Variants in SH2D4A observed in about 807,000 individuals in gnomAD.
SH2D4A encodes SH2 domain containing 4A.
SH2D4A carries 70 observed loss-of-function variants against 64.7 expected under a neutral mutation model. The ratio of observed to expected loss-of-function variants is 1.08; its 90% CI spans 0.89 to 1.32. The LOEUF is 1.32. Among genes scored for constraint, SH2D4A ranks in the 40% most tolerant of loss-of-function variants. SH2D4A has a pLI of 0.00. For synonymous variants in SH2D4A, 268 were observed against 200.7 expected, an observed-to-expected ratio of 1.34 and a Z score of -2.83; for missense variants, 706 against 540.1, an observed-to-expected ratio of 1.31 and a Z score of -3.04.
intron 1 of SH2D4A, chr8:19,314,136 G>T: frequency 9.0e-7 from 1 of 1,107,380 alleles, no homozygotes; most frequent in South Asian, 4.4e-5. Context: ...GGAACTTCGA[G>T]GGAGAGGGTC....
intron 4 of SH2D4A, among the ~76,000 whole-genome samples, chr8:19,351,618 AAAAAACAAAAAC>A (rs1007625241): frequency 6.6e-6 from 1 of 152,122 alleles, no homozygotes; most frequent in African/African-American, 2.4e-5. Context: ...ACAAAACAAA[AAAAAACAAAAAC>A]AAAAACAAAA....
At chr8:19,385,068 GGCTGTCTTTT>G (rs2053361544) in intron 8 of SH2D4A, among the ~76,000 whole-genome samples, 1 of 152,062 alleles carries the variant, frequency 6.6e-6, no homozygotes, top group Admixed American at 6.6e-5. Context: ...TGTTTCTTGT[GGCTGTCTTTT>G]GCTGTCATGG....
At chr8:19,373,681 A>G in intron 8 of SH2D4A, 21 bp downstream of exon 8, 1 of 1,611,406 alleles carries the variant, frequency 6.2e-7, no homozygotes, top group Non-Finnish European at 8.5e-7. Context: ...AGATTTCCTC[A>G]ATGGTGTTTC....
chr8:19,374,846 C>T (rs530310936), intron 8 of SH2D4A, among the ~76,000 whole-genome samples: 4 of 152,202 alleles, frequency 2.6e-5, no homozygotes, highest in South Asian at 4.1e-4. Flanking sequence ...GCATTAGCCG[C>T]GGCTGTCTCA....
At chr8:19,372,774 A>C (rs1031368654) in intron 7 of SH2D4A, among the ~76,000 whole-genome samples, 1 of 151,846 alleles carries the variant, frequency 6.6e-6, no homozygotes, top group Non-Finnish European at 1.5e-5. Flanking sequence ...TTTCAAAATG[A>C]TTCTGCTGCC....
intron 5 of SH2D4A, among the ~76,000 whole-genome samples, chr8:19,357,878 C>A (rs143012584): frequency 6.6e-6 from 1 of 152,174 alleles, no homozygotes; most frequent in African/African-American, 2.4e-5. Context: ...ATTTGACCTA[C>A]CGAGAGTCTG....
At chr8:19,374,278 C>G (rs1027452352) in intron 8 of SH2D4A, among the ~76,000 whole-genome samples, 7 of 152,276 alleles carry the variant, frequency 4.6e-5, no homozygotes, top group African/African-American at 1.7e-4. Context: ...AAACTTGATT[C>G]AAGCCCCTCT....
chr8:19,386,377 TAAA>T (rs1171806042), intron 8 of SH2D4A, among the ~76,000 whole-genome samples: 26 of 152,330 alleles, frequency 1.7e-4, no homozygotes, highest in African/African-American at 5.5e-4. Flanking sequence ...ACTTTTCTCA[TAAA>T]TTAGTGCAGC....
intron 2 of SH2D4A, among the ~76,000 whole-genome samples, chr8:19,323,930 AACAGTAAGTGAC>A (rs993636913): frequency 6.6e-6 from 1 of 152,216 alleles, no homozygotes; most frequent in African/African-American, 2.4e-5. Flanking sequence ...GGCCAGGGCA[AACAGTAAGTGAC>A]ACAGCTGGAA....
chr8:19,357,706 C>T (rs2052815156), intron 5 of SH2D4A, among the ~76,000 whole-genome samples: 1 of 152,174 alleles, frequency 6.6e-6, no homozygotes, highest in South Asian at 2.1e-4. Flanking sequence ...ATCCACCATG[C>T]CTGGAACCCC....
chr8:19,344,423 G>A (rs944655593), intron 4 of SH2D4A, among the ~76,000 whole-genome samples: 24 of 152,162 alleles, frequency 1.6e-4, no homozygotes, highest in Non-Finnish European at 3.4e-4. Context: ...GGCCCCTCAA[G>A]CAATGGCAGA....
Position 19,394,656 on chromosome 8 carries a change from G to T in SH2D4A, c.*14G>T, listed in dbSNP as rs766159736. On this transcript the variant is annotated 3_prime_UTR_variant, in exon 10 of 10. Coordinates refer to ENST00000265807, the MANE Select transcript of SH2D4A (RefSeq NM_022071.4). ...CTGTTTGAGTGACAGCCTCCATCAG[G>T]GTCATCCTACAGCCTCCAAGCGGGC... 6.3e-7 allele frequency: 1 copy of T among 1,593,590 alleles called. No homozygotes were observed. The highest frequency in any genetic ancestry group is 1.7e-5 in the Admixed American group (1 of 58,224).
intron 7 of SH2D4A, among the ~76,000 whole-genome samples, chr8:19,365,368 A>G (rs17128313): frequency 0.018 from 2,743 of 152,296 alleles, 92 homozygotes; most frequent in African/African-American, 0.062. Flanking sequence ...TCGTTTGGGT[A>G]ATGATTCTTC....
At position 19,316,087 on chromosome 8, in the gene SH2D4A, C is replaced by T. The variant is rs573149465; in HGVS notation, c.-205+2264C>T. 1.3e-4 allele frequency among the ~76,000 whole-genome samples: 19 copies of T among 151,882 alleles called. No homozygotes were observed. In the East Asian group the frequency reaches 3.3e-3, roughly 26 times the overall value. ...GTTGGGGTCTGAGAAAGCCTTGGAG[C>T]GGGGGTTAGGGGTTGGGAATTAGAG... On this transcript the variant is annotated intron_variant, in intron 1 of 9. Coordinates refer to ENST00000265807, the MANE Select transcript of SH2D4A (RefSeq NM_022071.4).
rs1338215012 is a variant in SH2D4A at position 19,373,434 on chromosome 8, A to ATGTG, written c.918-88_918-85dup. On this transcript the variant is annotated intron_variant, in intron 7 of 9. Transcript: ENST00000265807. ...CATGTATATATATGCATGTATATGT[A>ATGTG]TGTGTGTGTGTATATATATATATAT... The ATGTG allele has an allele frequency of 8.3e-4, 574 of 692,034 alleles. 4 individuals are homozygous for ATGTG. In the African/African-American group the frequency reaches 0.011, roughly 14 times the overall value. The allele number at this position is 692,034 out of a possible 1,614,324, so 42.9% of individuals were successfully genotyped here.
At chr8:19,355,455 T>A (rs2052777359) in intron 4 of SH2D4A, among the ~76,000 whole-genome samples, 1 of 152,126 alleles carries the variant, frequency 6.6e-6, no homozygotes, top group African/African-American at 2.4e-5. Flanking sequence ...AATATTAAAA[T>A]AAGAAAACAA....
At chr8:19,367,339 G>T (rs1340540173) in intron 7 of SH2D4A, among the ~76,000 whole-genome samples, 1 of 151,902 alleles carries the variant, frequency 6.6e-6, no homozygotes, top group Non-Finnish European at 1.5e-5. Flanking sequence ...GTCTATAATG[G>T]TATACTAATT....
At chr8:19,375,683 A>G (rs955918663) in intron 8 of SH2D4A, 7 of 152,208 alleles carry the variant, frequency 4.6e-5, no homozygotes, top group Admixed American at 4.6e-4. Flanking sequence ...TCACAGCATG[A>G]TAAATGTAGT....
chr8:19,350,651 C>T (rs2052687777), intron 4 of SH2D4A, among the ~76,000 whole-genome samples: 1 of 152,052 alleles, frequency 6.6e-6, no homozygotes, highest in African/African-American at 2.4e-5. Flanking sequence ...GCCCAGCCCA[C>T]TTTTGTATTT....
Sources: allele counts gnomAD v4.1 joint callset (sites outside exome capture counted in the v4.1 genomes callset), GRCh38; gene constraint gnomAD v4.1.1; transcripts MANE v1.5; gene names NCBI Gene and HGNC (gene_info 2026-07-23, HGNC 2026-07-21).